Variants in SEPTIN10 observed in about 807,000 individuals in gnomAD.
SEPTIN10 encodes the protein septin 10, also known as septin-10.
Under a neutral mutation model 54.8 loss-of-function variants are expected in SEPTIN10, and 66 were observed. The observed-to-expected ratio is 1.21, with a 90% CI of 0.99 to 1.48. The LOEUF (loss-of-function observed/expected upper bound fraction) is 1.48, where lower values mean the gene tolerates loss of function less well. SEPTIN10 is among the 40% of genes most tolerant of loss of function. The pLI, the probability that SEPTIN10 is intolerant of heterozygous loss-of-function variation, is 0.00. For missense variants in SEPTIN10, 620 were observed against 545.6 expected (o/e 1.14, Z -1.36); for synonymous variants, 161 against 181.0 (o/e 0.89, Z 0.89).
At chr2:109,575,486 C>T (rs970523160) in intron 4 of SEPTIN10, among the ~76,000 whole-genome samples, 3 of 152,216 alleles carry the variant, frequency 2.0e-5, no homozygotes, top group South Asian at 2.1e-4. Context: ...TAACTCCTCC[C>T]TGGAAATGCA....
At chr2:109,573,241 G>C (rs1202341906) in intron 5 of SEPTIN10, among the ~76,000 whole-genome samples, 2 of 152,142 alleles carry the variant, frequency 1.3e-5, no homozygotes, top group Non-Finnish European at 2.9e-5. Context: ...AAAGAAACTT[G>C]CAAGATCAGA....
At position 109,542,810 on chromosome 2, in the gene SEPTIN10, A is replaced by C. The variant is rs1680314930; in HGVS notation, c.*1499T>G. 6.6e-6 allele frequency among the ~76,000 whole-genome samples: 1 copy of C among 152,248 alleles called. No homozygotes were observed. The highest frequency in any genetic ancestry group is 1.5e-5 in the Non-Finnish European group (1 of 68,038). On this transcript the variant is annotated 3_prime_UTR_variant, in exon 11 of 11. Transcript: ENST00000397712. ...AGTATACAGATAAATTGTGCTATGC[A>C]AGGTTTTATTTACAACTTAGATGAC... is the stretch of plus-strand genomic sequence containing the variant.
intron 10 of SEPTIN10, chr2:109,545,042 G>A (rs530154037): frequency 3.0e-6 from 3 of 985,410 alleles, no homozygotes; most frequent in Admixed American, 6.1e-5. Flanking sequence ...AATGGGCCAA[G>A]GTTATGTTTT....
intron 5 of SEPTIN10, among the ~76,000 whole-genome samples, chr2:109,570,896 T>C (rs1054244643): frequency 6.6e-6 from 1 of 152,176 alleles, no homozygotes; most frequent in Admixed American, 6.5e-5. Flanking sequence ...TTATATACAG[T>C]CATGTGTGGC....
chr2:109,547,658 T>C (rs1379770741), intron 9 of SEPTIN10, among the ~76,000 whole-genome samples: 2 of 152,126 alleles, frequency 1.3e-5, no homozygotes, highest in Non-Finnish European at 2.9e-5. Context: ...GAATGCCCTA[T>C]ATGGATCATA....
chr2:109,568,912 T>G (rs376959599), intron 5 of SEPTIN10, among the ~76,000 whole-genome samples: 1 of 152,174 alleles, frequency 6.6e-6, no homozygotes, highest in African/African-American at 2.4e-5. Context: ...TCAGTATTAT[T>G]TGAAGTCCTA....
At chr2:109,597,210 G>A (rs1399826244) in intron 1 of SEPTIN10, among the ~76,000 whole-genome samples, 5 of 152,146 alleles carry the variant, frequency 3.3e-5, no homozygotes, top group Admixed American at 3.3e-4. Flanking sequence ...CAAAGTGATA[G>A]GATTATAGGC....
Position 109,545,553 on chromosome 2 carries a change from TA to T in SEPTIN10, c.1349+496del, listed in dbSNP as rs34495459. ...CGACAGCCTGGTTCCCTTATTAAAA[TA>T]AAAATTCTCACAAAATCAGTATCAG... On this transcript the variant is annotated intron_variant, in intron 10 of 10. Coordinates refer to ENST00000397712, the MANE Select transcript of SEPTIN10 (RefSeq NM_144710.5). 43 of 1,535,422 alleles carry T rather than the reference TA, an allele frequency of 2.8e-5. 1 individual carries two copies. The Middle Eastern group carries it at 8.3e-4, about 30-fold the overall frequency.
intron 5 of SEPTIN10, among the ~76,000 whole-genome samples, chr2:109,568,593 C>T (rs1687620712): frequency 6.6e-6 from 1 of 152,142 alleles, no homozygotes; most frequent in Non-Finnish European, 1.5e-5. Context: ...AGAAATCTCA[C>T]ATTTTCTTCT....
intron 2 of SEPTIN10, among the ~76,000 whole-genome samples, chr2:109,591,946 G>A (rs1274202168): frequency 6.6e-6 from 1 of 152,028 alleles, no homozygotes; most frequent in East Asian, 1.9e-4. Context: ...ACCTATGTTT[G>A]TATTTGTAAT....
intron 2 of SEPTIN10, among the ~76,000 whole-genome samples, chr2:109,590,080 A>ATGTG (rs1260374575): frequency 6.7e-6 from 1 of 149,472 alleles, no homozygotes; most frequent in African/African-American, 2.5e-5. Context: ...ACACATATAT[A>ATGTG]TGTATATATA....
intron 8 of SEPTIN10, among the ~76,000 whole-genome samples, chr2:109,562,384 A>C (rs1166723066): frequency 2.7e-5 from 4 of 147,978 alleles, no homozygotes; most frequent in Admixed American, 1.3e-4. Flanking sequence ...CCCTCCCCCA[A>C]CTCTCTTCTT....
chr2:109,613,379 C>A, intron 1 of SEPTIN10: 1 of 329,214 alleles, frequency 3.0e-6, no homozygotes, highest in South Asian at 2.6e-5. Flanking sequence ...GCCAGGGGAG[C>A]CGGGCTTTCT....
Position 109,558,359 on chromosome 2 carries a change from C to T in SEPTIN10, c.1029-5140G>A, listed in dbSNP as rs781546759. On this transcript the variant is annotated intron_variant, in intron 8 of 10. Transcript: ENST00000397712. ...AGTTTTACTAAAATTACGTCAAATA[C>T]TTAAACAACTCTAAACTACTAAGCA... Among the ~76,000 whole-genome samples, 99 of 152,104 alleles carry T rather than the reference C, an allele frequency of 6.5e-4. 1 individual carries two copies. The highest frequency in any genetic ancestry group is 2.1e-4 in the South Asian group (1 of 4,822).
In SEPTIN10 at chr2:109,545,367, A is replaced by AAG. The variant is rs1170081492; in HGVS notation, c.1349+682_1349+683insCT. 2.9e-5 allele frequency: 44 copies of AAG among 1,501,486 alleles called. No individual in the cohort carries two copies. In the African/African-American group the frequency reaches 6.0e-4, roughly 20 times the overall value. The allele number at this position is 1,501,486 out of a possible 1,614,324, so 93.0% of individuals were successfully genotyped here. A position where few individuals can be genotyped will look rare whatever the true frequency, so the allele number is the denominator to read the frequency against. The stretch of plus-strand genomic sequence containing the variant: ...AAACTTATTTTCTAAAACTTGGGTA[A>AAG]CTGATTTTAACACATACCCCAAACC... On this transcript the variant is annotated intron_variant, in intron 10 of 10. Transcript: ENST00000397712.
chr2:109,544,384 G>T, intron 10 of SEPTIN10, 60 bp from the exon 11 acceptor site: 1 of 1,542,714 alleles, frequency 6.5e-7, no homozygotes. Context: ...GTAAAAATTA[G>T]CAAACATGCA....
In SEPTIN10 at chr2:109,543,889, C is replaced by T. The variant is rs1258528303; in HGVS notation, c.*420G>A. On this transcript the variant is annotated 3_prime_UTR_variant, in exon 11 of 11. Transcript: ENST00000397712. ...ATATCTGCATATACACAACGGGACC[C>T]GACTCTAATTACATAATTCATGTTT... The T allele has an allele frequency of 1.5e-5, 6 of 410,302 alleles. No individual in the cohort carries two copies. The highest frequency in any genetic ancestry group is 4.3e-5 in the Admixed American group (1 of 23,442). The allele number at this position is 410,302 out of a possible 1,614,324, so 25.4% of individuals were successfully genotyped here. A position where few individuals can be genotyped will look rare whatever the true frequency, so the allele number is the denominator to read the frequency against.
At chr2:109,590,150 G>A (rs1348201272) in intron 2 of SEPTIN10, among the ~76,000 whole-genome samples, 1 of 151,354 alleles carries the variant, frequency 6.6e-6, no homozygotes, top group Non-Finnish European at 1.5e-5. Context: ...ATCTCGAAGG[G>A]TAATGACAGA....
chr2:109,563,944 G>A (rs1686287151), intron 8 of SEPTIN10, among the ~76,000 whole-genome samples: 1 of 152,154 alleles, frequency 6.6e-6, no homozygotes, highest in South Asian at 2.1e-4. Context: ...AACATAGTAA[G>A]ACCCTGTCTC....
Sources: allele counts gnomAD v4.1 joint callset (sites outside exome capture counted in the v4.1 genomes callset), GRCh38; gene constraint gnomAD v4.1.1; transcripts MANE v1.5; gene names NCBI Gene and HGNC (gene_info 2026-07-23, HGNC 2026-07-21).